The following SGCZ variants were observed in gnomAD, a reference collection of about 807,000 sequenced individuals.
SGCZ encodes the protein sarcoglycan zeta.
A neutral mutation model predicts 41.3 loss-of-function variants in SGCZ; 40 were observed. That is an observed-to-expected ratio of 0.97 (90% CI 0.75 to 1.26). The LOEUF (loss-of-function observed/expected upper bound fraction) is 1.26. Ranked by LOEUF, SGCZ falls within the 50% of genes most tolerant of loss-of-function variation. SGCZ has a pLI of 0.00. For synonymous variants in SGCZ, 206 were observed against 137.5 expected, an observed-to-expected ratio of 1.50 and a Z score of -3.49; for missense variants, 552 against 369.8, an observed-to-expected ratio of 1.49 and a Z score of -4.04.
At chr8:14,642,272 A>G (rs575911738) in intron 1 of SGCZ, among the ~76,000 whole-genome samples, 84 of 151,770 alleles carry the variant, frequency 5.5e-4, no homozygotes, top group South Asian at 1.0e-3. Flanking sequence ...TTGTAACAAT[A>G]TCATTATTAT....
chr8:14,374,427 A>C (rs1804033004), intron 2 of SGCZ, among the ~76,000 whole-genome samples: 1 of 152,226 alleles, frequency 6.6e-6, no homozygotes, highest in Non-Finnish European at 1.5e-5. Flanking sequence ...AAGTTGATTT[A>C]TAAATATGGT....
chr8:14,954,437 T>C (rs1405000260), intron 1 of SGCZ, among the ~76,000 whole-genome samples: 1 of 152,166 alleles, frequency 6.6e-6, no homozygotes, highest in African/African-American at 2.4e-5. Flanking sequence ...TGGAGGTTTA[T>C]TTTCCTCCAC....
At chr8:14,576,236 A>T (rs1374055553) in intron 1 of SGCZ, among the ~76,000 whole-genome samples, 1 of 152,174 alleles carries the variant, frequency 6.6e-6, no homozygotes, top group Admixed American at 6.5e-5. Flanking sequence ...CATATTGAAA[A>T]CATACAGACA....
chr8:14,176,690 C>A (rs957977326), intron 4 of SGCZ, among the ~76,000 whole-genome samples: 1 of 152,172 alleles, frequency 6.6e-6, no homozygotes, highest in Non-Finnish European at 1.5e-5. Context: ...TTGGATCAGG[C>A]TAGGTTCAAG....
At chr8:14,865,083 C>T (rs1803880036) in intron 1 of SGCZ, among the ~76,000 whole-genome samples, 1 of 151,948 alleles carries the variant, frequency 6.6e-6, no homozygotes, top group Admixed American at 6.6e-5. Context: ...TATATATATT[C>T]ATAATATATA....
chr8:15,192,485 T>G (rs13257462), intron 1 of SGCZ, among the ~76,000 whole-genome samples: 51,475 of 152,016 alleles, frequency 0.34, 11,295 homozygotes, highest in Non-Finnish European at 0.46. Context: ...TATTTTCTAG[T>G]CATTGTAACT....
At chr8:15,206,008 T>C (rs571306372) in intron 1 of SGCZ, among the ~76,000 whole-genome samples, 1 of 152,238 alleles carries the variant, frequency 6.6e-6, no homozygotes, top group East Asian at 1.9e-4. Flanking sequence ...TATTGCATGT[T>C]CTTACTGGGG....
At chr8:14,557,080 T>A (rs1315334636) in intron 1 of SGCZ, among the ~76,000 whole-genome samples, 2 of 152,040 alleles carry the variant, frequency 1.3e-5, no homozygotes, top group Non-Finnish European at 2.9e-5. Context: ...TTTCACTGCA[T>A]CTACACCAAT....
intron 3 of SGCZ, among the ~76,000 whole-genome samples, chr8:14,310,178 T>C (rs182878588): frequency 2.0e-5 from 3 of 152,194 alleles, no homozygotes; most frequent in East Asian, 1.9e-4. Flanking sequence ...TGATGGCTGA[T>C]AGATTTTAAT....
intron 1 of SGCZ, among the ~76,000 whole-genome samples, chr8:15,021,673 T>C (rs1467328450): frequency 6.6e-6 from 1 of 152,044 alleles, no homozygotes; most frequent in African/African-American, 2.4e-5. Context: ...ATATGGTTTC[T>C]CACCACAGGA....
intron 3 of SGCZ, among the ~76,000 whole-genome samples, chr8:14,310,748 C>T (rs182250481): frequency 1.3e-5 from 2 of 152,146 alleles, no homozygotes; most frequent in East Asian, 1.9e-4. Flanking sequence ...CTTCTTATTG[C>T]AAGACAGTCT....
At chr8:15,232,555 C>T (rs1400774467) in intron 1 of SGCZ, among the ~76,000 whole-genome samples, 3 of 151,516 alleles carry the variant, frequency 2.0e-5, no homozygotes, top group African/African-American at 7.3e-5. Flanking sequence ...AGTGATGTTT[C>T]CCTACTGTAA....
chr8:14,797,778 G>A (rs1286127588), intron 1 of SGCZ, among the ~76,000 whole-genome samples: 1 of 152,156 alleles, frequency 6.6e-6, no homozygotes, highest in African/African-American at 2.4e-5. Context: ...CCCCCTTGCT[G>A]TGTGCAGCCT....
In SGCZ at chr8:14,546,911, T is replaced by C. The variant is rs1274236064; in HGVS notation, c.234+7821A>G. On this transcript the variant is annotated intron_variant, in intron 2 of 7. Coordinates refer to ENST00000382080, the MANE Select transcript of SGCZ (RefSeq NM_139167.4). ...CATCAGTGTGACCTTGGGAAGTTTATTTAATTTCCCTAAGTTTCTGCCTTT... is the reference window on the plus strand; with the variant it reads ...CATCAGTGTGACCTTGGGAAGTTTACTTAATTTCCCTAAGTTTCTGCCTTT... Among the ~76,000 whole-genome samples the C allele has an allele frequency of 2.0e-5, 3 of 152,256 alleles. No homozygotes were observed. The East Asian group carries it at 5.8e-4, about 29-fold the overall frequency.
chr8:14,246,433 C>A (rs1489639726), intron 3 of SGCZ, among the ~76,000 whole-genome samples: 1 of 150,706 alleles, frequency 6.6e-6, no homozygotes, highest in Non-Finnish European at 1.5e-5. Flanking sequence ...ACATGACACT[C>A]TGGGGACTGT....
At chr8:14,278,285 C>T (rs559472569) in intron 3 of SGCZ, among the ~76,000 whole-genome samples, 1 of 152,232 alleles carries the variant, frequency 6.6e-6, no homozygotes, top group Non-Finnish European at 1.5e-5. Flanking sequence ...TCTATGACCA[C>T]GTGCACATAA....
chr8:15,141,747 C>T (rs7832745), intron 1 of SGCZ, among the ~76,000 whole-genome samples: 33,003 of 151,998 alleles, frequency 0.22, 4,396 homozygotes, highest in African/African-American at 0.37. Context: ...ACCAAAACTA[C>T]AAAAATCAAC....
At chr8:14,474,593 G>C (rs1585563614) in intron 2 of SGCZ, among the ~76,000 whole-genome samples, 1 of 152,174 alleles carries the variant, frequency 6.6e-6, no homozygotes, top group East Asian at 1.9e-4. Flanking sequence ...AATTATACTA[G>C]GTAGCCCTGT....
intron 1 of SGCZ, among the ~76,000 whole-genome samples, chr8:14,832,646 C>G (rs984754863): frequency 1.3e-5 from 2 of 152,080 alleles, no homozygotes; most frequent in African/African-American, 4.8e-5. Flanking sequence ...AGGGTGTCTG[C>G]AGTTCTGGTA....
Sources: gnomAD v4.1 joint callset for allele counts (sites outside exome capture counted in the v4.1 genomes callset) on GRCh38, gnomAD v4.1.1 for gene constraint, MANE v1.5 for transcripts, NCBI Gene and HGNC (gene_info 2026-07-23, HGNC 2026-07-21) for gene names.